The following PECAM1 variants were observed in gnomAD, a reference collection of about 807,000 sequenced individuals.
PECAM1 encodes platelet endothelial cell adhesion molecule.
PECAM1 carries 8 observed loss-of-function variants against 13.8 expected under a neutral mutation model. The ratio of observed to expected loss-of-function variants is 0.58; its 90% CI spans 0.34 to 1.05. The LOEUF (loss-of-function observed/expected upper bound fraction) is 1.05, where lower values mean the gene tolerates loss of function less well. Ranked by LOEUF, PECAM1 falls within the 50% of genes least tolerant of loss-of-function variation. The pLI, the probability that PECAM1 is intolerant of heterozygous loss-of-function variation, is 0.03. For synonymous variants in PECAM1, 136 were observed against 52.6 expected (o/e 2.58, Z -6.86); for missense variants, 304 against 141.2 (o/e 2.15, Z -5.84).
At chr17:64,389,312 C>T (rs1198200039) in intron 2 of PECAM1, among the ~76,000 whole-genome samples, 1 of 152,194 alleles carries the variant, frequency 6.6e-6, no homozygotes, top group Non-Finnish European at 1.5e-5. Context: ...TATTCACAGC[C>T]CCGGGACACT....
intron 6 of PECAM1, among the ~76,000 whole-genome samples, chr17:64,361,252 T>C (rs1598031864): frequency 7.1e-6 from 1 of 141,352 alleles, no homozygotes; most frequent in East Asian, 2.2e-4. Flanking sequence ...TCCAAGGGAT[T>C]CTCCTGCCTC....
At chr17:64,342,435 G>A (rs1162682207) in intron 13 of PECAM1, among the ~76,000 whole-genome samples, 1 of 151,030 alleles carries the variant, frequency 6.6e-6, no homozygotes. Context: ...CCCAGACCCC[G>A]GGATCCAGAA....
chr17:64,338,415 G>A (rs1327680428), intron 14 of PECAM1, among the ~76,000 whole-genome samples: 1 of 151,580 alleles, frequency 6.6e-6, no homozygotes, highest in Non-Finnish European at 1.5e-5. Flanking sequence ...CACACCTGCT[G>A]TAAATGCCCC....
chr17:64,324,055 GACA>G, intron 15 of PECAM1: 1 of 827,916 alleles, frequency 1.2e-6, no homozygotes. Context: ...CCCCTCAGAA[GACA>G]ACATTTCACA....
chr17:64,342,681 C>G (rs1018410423), intron 13 of PECAM1, among the ~76,000 whole-genome samples: 19 of 152,026 alleles, frequency 1.2e-4, no homozygotes, highest in African/African-American at 3.9e-4. Flanking sequence ...GCTAGACCCT[C>G]TCAATATGGC....
chr17:64,388,381 C>T (rs1402199985), intron 2 of PECAM1, among the ~76,000 whole-genome samples: 2 of 151,996 alleles, frequency 1.3e-5, no homozygotes, highest in Non-Finnish European at 2.9e-5. Context: ...GGGCTAGGAC[C>T]GTGTAGTAAA....
At position 64,334,503 on chromosome 17, in the gene PECAM1, C is replaced by T. The variant is rs1000812020; in HGVS notation, c.2165-4781G>A. 2.0e-3 allele frequency among the ~76,000 whole-genome samples: 305 copies of T among 152,182 alleles called. 2 individuals are homozygous for T. Among genetic ancestry groups the T allele is most frequent in the Admixed American group, 4.4e-3 (67 of 15,268 alleles). ...TCACTGATCTCACAGACCTACCCCA[C>T]ACTGGGCCCCAATTTTTTTTTTTGA... On this transcript the variant is annotated intron_variant, in intron 14 of 15. Transcript: ENST00000563924.
intron 2 of PECAM1, among the ~76,000 whole-genome samples, chr17:64,386,442 G>C: frequency 6.7e-6 from 1 of 150,228 alleles, no homozygotes; most frequent in Non-Finnish European, 1.5e-5. Flanking sequence ...ATATGTTCTA[G>C]AATTAGACAA....
chr17:64,368,155 T>A (rs1241286605), intron 5 of PECAM1, among the ~76,000 whole-genome samples: 1 of 152,190 alleles, frequency 6.6e-6, no homozygotes, highest in African/African-American at 2.4e-5. Flanking sequence ...CATCTAACAC[T>A]CATTCCTTCA....
chr17:64,364,854 C>T (rs1341911055), intron 5 of PECAM1, among the ~76,000 whole-genome samples: 3 of 149,892 alleles, frequency 2.0e-5, no homozygotes, highest in African/African-American at 4.9e-5. Context: ...GACAAACCCA[C>T]AGCCAATATC....
At chr17:64,331,119 C>T (rs781868294) in intron 14 of PECAM1, among the ~76,000 whole-genome samples, 5 of 152,108 alleles carry the variant, frequency 3.3e-5, no homozygotes, top group Middle Eastern at 3.2e-3. Context: ...GCATTGCCAA[C>T]GCTCTTAGCA....
At position 64,384,253 on chromosome 17, in the gene PECAM1, T is replaced by C. The variant is rs925117893; in HGVS notation, c.92-6136A>G. Among the ~76,000 whole-genome samples, 835 of 152,252 alleles carry C rather than the reference T, an allele frequency of 5.5e-3. 9 individuals carry two copies. The highest frequency in any genetic ancestry group is 0.019 in the African/African-American group (781 of 41,542). ...GGGCAGGATGGAAAAAAGAAAAGCA[T>C]TTTATAAACTCTGTTGAGATATGAG... On this transcript the variant is annotated intron_variant, in intron 2 of 15. Coordinates refer to ENST00000563924, the MANE Select transcript of PECAM1 (RefSeq NM_000442.5).
At chr17:64,372,832 C>T (rs2036271141) in intron 4 of PECAM1, among the ~76,000 whole-genome samples, 2 of 151,298 alleles carry the variant, frequency 1.3e-5, no homozygotes, top group Non-Finnish European at 2.9e-5. Flanking sequence ...TGAAAATGCA[C>T]AGGCCAGGTG....
intron 15 of PECAM1, among the ~76,000 whole-genome samples, chr17:64,327,614 G>T (rs1260718606): frequency 6.6e-6 from 1 of 152,188 alleles, no homozygotes; most frequent in Non-Finnish European, 1.5e-5. Flanking sequence ...CACAAGTCCA[G>T]ATTCACCCCT....
chr17:64,355,978 T>C, intron 8 of PECAM1, 133 bp downstream of exon 8: 1 of 444,740 alleles, frequency 2.2e-6, no homozygotes, highest in Non-Finnish European at 4.0e-6. Context: ...ACCAAGAGCC[T>C]GGAGGACATT....
chr17:64,365,556 AACC>A (rs1440500801), intron 5 of PECAM1, among the ~76,000 whole-genome samples: 2 of 151,878 alleles, frequency 1.3e-5, no homozygotes, highest in African/African-American at 4.8e-5. Context: ...GACATCACGC[AACC>A]TGACTTCAAA....
At chr17:64,342,760 G>A (rs1158693090) in intron 13 of PECAM1, among the ~76,000 whole-genome samples, 1 of 152,054 alleles carries the variant, frequency 6.6e-6, no homozygotes, top group Non-Finnish European at 1.5e-5. Context: ...CCTGCCATCT[G>A]TTTACCTTAC....
At chr17:64,345,857 G>A (rs1364713840) in intron 13 of PECAM1, among the ~76,000 whole-genome samples, 5 of 152,066 alleles carry the variant, frequency 3.3e-5, no homozygotes, top group Non-Finnish European at 7.4e-5. Flanking sequence ...GGTAGGCTAT[G>A]GGAATGTGCC....
intron 2 of PECAM1, 176 bp downstream of exon 2, chr17:64,390,313 A>G (rs2036688828): frequency 2.5e-6 from 1 of 402,566 alleles, no homozygotes; most frequent in Non-Finnish European, 4.4e-6. Flanking sequence ...CTTGGCTTAG[A>G]TCTAAGCCTT....
Sources: gnomAD v4.1 joint callset for allele counts (sites outside exome capture counted in the v4.1 genomes callset) on GRCh38, gnomAD v4.1.1 for gene constraint, MANE v1.5 for transcripts, NCBI Gene and HGNC (gene_info 2026-07-23, HGNC 2026-07-21) for gene names.